The following ARHGAP15 variants were observed in gnomAD, a reference collection of about 807,000 sequenced individuals.
ARHGAP15 encodes Rho GTPase activating protein 15.
ARHGAP15 carries 51 observed loss-of-function variants against 63.7 expected under a neutral mutation model. That is an observed-to-expected ratio of 0.80 (90% CI 0.64 to 1.01). The LOEUF is 1.01. Ranked by LOEUF, ARHGAP15 falls within the 50% of genes least tolerant of loss-of-function variation. The pLI is 0.00. For synonymous variants in ARHGAP15, 191 were observed against 193.8 expected, an observed-to-expected ratio of 0.99 and a Z score of 0.12; for missense variants, 560 against 564.6, an observed-to-expected ratio of 0.99 and a Z score of 0.08.
intron 13 of ARHGAP15, among the ~76,000 whole-genome samples, chr2:143,753,489 G>A (rs973314305): frequency 4.6e-5 from 7 of 152,134 alleles, no homozygotes; most frequent in Admixed American, 3.9e-4. Flanking sequence ...CGTACCGGAC[G>A]ATAGAATCAT....
intron 1 of ARHGAP15, among the ~76,000 whole-genome samples, chr2:143,153,619 C>T (rs1430355789): frequency 1.3e-5 from 2 of 151,920 alleles, no homozygotes; most frequent in Admixed American, 6.6e-5. Flanking sequence ...ACCAACACCA[C>T]AATCAAGGTA....
At chr2:143,150,965 C>G (rs1689789753) in intron 1 of ARHGAP15, among the ~76,000 whole-genome samples, 1 of 151,942 alleles carries the variant, frequency 6.6e-6, no homozygotes, top group African/African-American at 2.4e-5. Flanking sequence ...ATTGATTTTA[C>G]AATCTACCAA....
chr2:143,767,268 G>T (rs1392368021), intron 13 of ARHGAP15, among the ~76,000 whole-genome samples: 1 of 152,074 alleles, frequency 6.6e-6, no homozygotes, highest in African/African-American at 2.4e-5. Flanking sequence ...GTTGGAACAG[G>T]CAAGTCATTA....
At chr2:143,708,899 A>AGGGCC (rs1684449125) in intron 13 of ARHGAP15, among the ~76,000 whole-genome samples, 1 of 152,156 alleles carries the variant, frequency 6.6e-6, no homozygotes, top group African/African-American at 2.4e-5. Context: ...TGAAGCCAGC[A>AGGGCC]GGGCCATACT....
chr2:143,538,041 C>G (rs1250410564), intron 10 of ARHGAP15, among the ~76,000 whole-genome samples: 1 of 152,086 alleles, frequency 6.6e-6, no homozygotes, highest in African/African-American at 2.4e-5. Context: ...TGTTTGTATC[C>G]TCTTTTATTT....
chr2:143,287,852 G>T (rs1311392875), intron 6 of ARHGAP15, among the ~76,000 whole-genome samples: 1 of 152,080 alleles, frequency 6.6e-6, no homozygotes, highest in Admixed American at 6.6e-5. Flanking sequence ...TGCTCTGTGG[G>T]TCTCTCCAGG....
At chr2:143,184,786 C>T (rs1574063051) in intron 2 of ARHGAP15, among the ~76,000 whole-genome samples, 1 of 152,026 alleles carries the variant, frequency 6.6e-6, no homozygotes, top group Non-Finnish European at 1.5e-5. Flanking sequence ...GGCTCAAACA[C>T]TCCTCTTGCC....
At chr2:143,590,286 A>C (rs761500497) in intron 11 of ARHGAP15, among the ~76,000 whole-genome samples, 2 of 152,222 alleles carry the variant, frequency 1.3e-5, no homozygotes, top group African/African-American at 4.8e-5. Context: ...GTAGCTCAGA[A>C]ACACTTAGCA....
At chr2:143,137,447 A>G (rs1689192371) in intron 1 of ARHGAP15, among the ~76,000 whole-genome samples, 1 of 152,056 alleles carries the variant, frequency 6.6e-6, no homozygotes, top group African/African-American at 2.4e-5. Context: ...AGGAGAAGAG[A>G]AGCTAGAAAT....
intron 9 of ARHGAP15, chr2:143,519,051 A>G (rs1215824343): frequency 5.0e-6 from 2 of 400,708 alleles, no homozygotes; most frequent in Non-Finnish European, 9.3e-6. Context: ...TCGATGCCTG[A>G]GCGTCAGTTT....
intron 6 of ARHGAP15, among the ~76,000 whole-genome samples, chr2:143,415,788 T>G (rs1688649310): frequency 6.6e-6 from 1 of 152,212 alleles, no homozygotes; most frequent in African/African-American, 2.4e-5. Flanking sequence ...GGAATACTAC[T>G]AAGCCATAAA....
intron 12 of ARHGAP15, among the ~76,000 whole-genome samples, chr2:143,693,633 C>A (rs1185915014): frequency 6.6e-6 from 1 of 152,158 alleles, no homozygotes; most frequent in Non-Finnish European, 1.5e-5. Context: ...TTTCATTTTA[C>A]TGACTTGAAC....
At chr2:143,479,814 G>C (rs918464887) in intron 8 of ARHGAP15, among the ~76,000 whole-genome samples, 1 of 151,628 alleles carries the variant, frequency 6.6e-6, no homozygotes, top group Non-Finnish European at 1.5e-5. Context: ...TGCTGTTTAG[G>C]TATATTTTCC....
At chr2:143,181,025 C>T (rs1357952484) in intron 2 of ARHGAP15, among the ~76,000 whole-genome samples, 1 of 152,158 alleles carries the variant, frequency 6.6e-6, no homozygotes, top group Non-Finnish European at 1.5e-5. Flanking sequence ...CTACTTGATC[C>T]ATGAGCTGCA....
chr2:143,332,682 T>C (rs1270254616), intron 6 of ARHGAP15, among the ~76,000 whole-genome samples: 1 of 152,184 alleles, frequency 6.6e-6, no homozygotes, highest in African/African-American at 2.4e-5. Flanking sequence ...GCTTAGAGGT[T>C]ACGCCGATTG....
chr2:143,222,706 TTG>T (rs1693046683), intron 4 of ARHGAP15, among the ~76,000 whole-genome samples: 1 of 152,188 alleles, frequency 6.6e-6, no homozygotes, highest in African/African-American at 2.4e-5. Context: ...GTTGTTGTTG[TTG>T]TTTGGGCTTT....
chr2:143,519,535 A>G, intron 10 of ARHGAP15, 171 bp downstream of exon 10: 1 of 500,656 alleles, frequency 2.0e-6, no homozygotes, highest in Non-Finnish European at 3.7e-6. Flanking sequence ...TGTTTTTACA[A>G]TAGGGACATT....
chr2:143,255,128 C>G (rs1287449389), intron 6 of ARHGAP15, among the ~76,000 whole-genome samples: 1 of 152,020 alleles, frequency 6.6e-6, no homozygotes, highest in African/African-American at 2.4e-5. Context: ...ACATTGGGCT[C>G]TTCTATAGAT....
intron 12 of ARHGAP15, among the ~76,000 whole-genome samples, chr2:143,684,819 G>C (rs956350130): frequency 6.6e-6 from 1 of 152,150 alleles, no homozygotes; most frequent in African/African-American, 2.4e-5. Context: ...AATCATTGTA[G>C]TCTCAGGAAC....
Sources: allele counts gnomAD v4.1 joint callset (sites outside exome capture counted in the v4.1 genomes callset), GRCh38; gene constraint gnomAD v4.1.1; transcripts MANE v1.5; gene names NCBI Gene and HGNC (gene_info 2026-07-23, HGNC 2026-07-21).